CHST12: variants seen among roughly 807,000 people sequenced by gnomAD.
CHST12 encodes carbohydrate sulfotransferase 12.
In CHST12, 23 loss-of-function variants were observed where a neutral mutation model predicts 27.9. That is an observed-to-expected ratio of 0.82 (90% CI 0.59 to 1.17). The LOEUF (loss-of-function observed/expected upper bound fraction) is 1.17. Among genes scored for constraint, CHST12 ranks in the 50% most tolerant of loss-of-function variants. The pLI, the probability that CHST12 is intolerant of heterozygous loss-of-function variation, is 0.00. For synonymous variants in CHST12, 322 were observed against 273.0 expected (o/e 1.18, Z -1.77); for missense variants, 682 against 603.0 (o/e 1.13, Z -1.37).
intron 1 of CHST12, among the ~76,000 whole-genome samples, chr7:2,428,573 A>T (rs1411648913): frequency 6.6e-6 from 1 of 152,074 alleles, no homozygotes; most frequent in Non-Finnish European, 1.5e-5. Flanking sequence ...TATTAAGTTT[A>T]GTGAGGGCGG....
At chr7:2,405,111 G>A (rs1429560009) in intron 1 of CHST12, among the ~76,000 whole-genome samples, 1 of 152,126 alleles carries the variant, frequency 6.6e-6, no homozygotes, top group Non-Finnish European at 1.5e-5. Flanking sequence ...GTGGGTCGCC[G>A]TGTTCTTGAT....
chr7:2,420,792 GAAC>G (rs1449364994), intron 1 of CHST12, among the ~76,000 whole-genome samples: 4 of 152,122 alleles, frequency 2.6e-5, no homozygotes, highest in Non-Finnish European at 4.4e-5. Flanking sequence ...CTCAGGAAAA[GAAC>G]AACAACCTTG....
intron 1 of CHST12, among the ~76,000 whole-genome samples, chr7:2,417,960 G>A (rs1032597772): frequency 2.6e-5 from 4 of 152,252 alleles, no homozygotes; most frequent in Non-Finnish European, 5.9e-5. Context: ...CGCTTCTGGG[G>A]GGCTTAATAT....
Position 2,433,404 on chromosome 7 carries a change from C to G in CHST12, c.765C>G (p.Phe255Leu). The change falls in exon 2 of 2, where the codon TTC (phenylalanine) becomes TTG (leucine). Residue 255 changes from phenylalanine (F) to leucine (L), a missense_variant. By Grantham distance (22) the Phe-to-Leu change is conservative. Coordinates refer to ENST00000618655, the MANE Select transcript of CHST12 (RefSeq NM_018641.5). This position sits in a 1 kb window ranked among gnomAD's most constrained non-coding sequence, Gnocchi z 6.1. The stretch of plus-strand genomic sequence containing the variant: ...CCTTCGTGCGCCTGATCTCCGCCTT[C>G]CGCAGCAAGTTCGAGCTGGAGAACG... The part of the protein sequence containing the change: ...RDPFVRLISA[F>L]RSKFELENEE... 6.2e-7 allele frequency: 1 copy of G among 1,609,676 alleles called. No individual in the cohort carries two copies. Among genetic ancestry groups the G allele is most frequent in the Non-Finnish European group, 8.5e-7 (1 of 1,179,918 alleles).
chr7:2,412,072 T>C (rs1781682327), intron 1 of CHST12, among the ~76,000 whole-genome samples: 2 of 152,184 alleles, frequency 1.3e-5, no homozygotes, highest in African/African-American at 4.8e-5. Flanking sequence ...TGCAGGGAAG[T>C]TACTTTACTT....
rs906965994 is a variant in CHST12, at chr7:2,432,742, T to C, written c.103T>C (p.Tyr35His). The C allele has an allele frequency of 2.5e-6, 4 of 1,613,794 alleles. No individual in the cohort carries two copies. The highest frequency in any genetic ancestry group is 2.5e-6 in the Non-Finnish European group (3 of 1,179,882). ...GGACAGCGCAGGCGCCGCGCACTTC[T>C]ACTTGCACACGTCCTTCTCTAGGCC... Reference protein sequence around the residue: ...YWDSAGAAHFYLHTSFSRPHT... With the variant: ...YWDSAGAAHFHLHTSFSRPHT... The change falls in exon 2 of 2, where the codon TAC (tyrosine) becomes CAC (histidine). Residue 35 changes from tyrosine to histidine, a missense_variant. Physicochemically the swap from Tyr to His is moderately conservative, Grantham distance 83. Coordinates refer to ENST00000618655, the MANE Select transcript of CHST12 (RefSeq NM_018641.5).
chr7:2,413,257 T>C (rs907506230), intron 1 of CHST12, among the ~76,000 whole-genome samples: 42 of 152,240 alleles, frequency 2.8e-4, no homozygotes, highest in African/African-American at 9.9e-4. Context: ...AACTCTGCAC[T>C]GGTGTTTTCT....
intron 1 of CHST12, among the ~76,000 whole-genome samples, chr7:2,418,418 C>T (rs1487151959): frequency 1.2e-4 from 18 of 152,214 alleles, no homozygotes; most frequent in Admixed American, 1.2e-3. Context: ...TCTGTGGGTT[C>T]CCTTGCTGGA....
At chr7:2,411,113 C>T (rs1473570208) in intron 1 of CHST12, among the ~76,000 whole-genome samples, 1 of 151,990 alleles carries the variant, frequency 6.6e-6, no homozygotes, top group Non-Finnish European at 1.5e-5. Flanking sequence ...CTCACTCTGT[C>T]ATCCAGGCTG....
At chr7:2,423,585 T>C (rs1000537936) in intron 1 of CHST12, among the ~76,000 whole-genome samples, 2 of 152,060 alleles carry the variant, frequency 1.3e-5, no homozygotes, top group African/African-American at 2.4e-5. Context: ...CGGGAGGAGG[T>C]TGGAGTCCTC....
rs1391193407 is a variant in CHST12 at position 2,434,155 on chromosome 7, C to CT, written c.*272dup. 1.1e-5 allele frequency: 3 copies of CT among 278,310 alleles called. No homozygotes were observed. The highest frequency in any genetic ancestry group is 2.1e-5 in the Non-Finnish European group (3 of 144,940). The allele number at this position is 278,310 out of a possible 1,614,324, so 17.2% of individuals were successfully genotyped here. A position where few individuals can be genotyped will look rare whatever the true frequency, so the allele number is the denominator to read the frequency against. ...CCGCTCGCCCGCTCCTGTGGTTTTT[C>CT]TGAGCGTGCGGGCGCCGGGAGGGGA... is the stretch of plus-strand genomic sequence containing the variant. On this transcript the variant is annotated 3_prime_UTR_variant, in exon 2 of 2. Coordinates refer to ENST00000618655, the MANE Select transcript of CHST12 (RefSeq NM_018641.5).
chr7:2,432,714 C>A lies in CHST12; in HGVS notation c.75C>A (p.Tyr25Ter). ...TCATGATCCTGCTGATCATCGTGTACTGGGACAGCGCAGGCGCCGCGCACT... is the reference window on the plus strand; with the variant it reads ...TCATGATCCTGCTGATCATCGTGTAATGGGACAGCGCAGGCGCCGCGCACT... Reference protein sequence around the residue: ...SVFMILLIIVYWDSAGAAHFY... With the variant: ...SVFMILLIIV Residue 25 changes from tyrosine to a stop codon, truncating the protein, a stop_gained, in exon 2 of 2, where the codon TAC (tyrosine) becomes TAA (stop). Transcript: ENST00000618655. LOFTEE classifies it high-confidence loss of function. The A allele has an allele frequency of 6.2e-7, 1 of 1,613,962 alleles. No homozygotes were observed. The highest frequency in any genetic ancestry group is 8.5e-7 in the Non-Finnish European group (1 of 1,179,908).
At chr7:2,412,393 C>T (rs984890465) in intron 1 of CHST12, among the ~76,000 whole-genome samples, 3 of 152,088 alleles carry the variant, frequency 2.0e-5, no homozygotes, top group African/African-American at 2.4e-5. Flanking sequence ...TTGACTACAG[C>T]GATGGGAACT....
At position 2,433,437 on chromosome 7, in the gene CHST12, C is replaced by A; in HGVS notation, c.798C>A (p.Phe266Leu). The change falls in exon 2 of 2, where the codon TTC (phenylalanine) becomes TTA (leucine). Residue 266 changes from phenylalanine (F) to leucine (L), a missense_variant. By Grantham distance (22) the Phe-to-Leu change is conservative. Coordinates refer to ENST00000618655, the MANE Select transcript of CHST12 (RefSeq NM_018641.5). This position sits in a 1 kb window ranked among gnomAD's most constrained non-coding sequence, Gnocchi z 6.1. ...RSKFELENEEFYRKFAVPMLR... is the reference protein window; with the variant it reads ...RSKFELENEELYRKFAVPMLR... ...AGTTCGAGCTGGAGAACGAGGAGTT[C>A]TACCGCAAGTTCGCCGTGCCCATGC... 6.2e-7 allele frequency: 1 copy of A among 1,609,924 alleles called. No individual in the cohort carries two copies. Among genetic ancestry groups the A allele is most frequent in the Non-Finnish European group, 8.5e-7 (1 of 1,179,922 alleles).
chr7:2,403,948 G>T (rs983087404), intron 1 of CHST12, among the ~76,000 whole-genome samples: 4 of 152,110 alleles, frequency 2.6e-5, no homozygotes, highest in African/African-American at 9.7e-5. Flanking sequence ...CGCGTTCTGC[G>T]GCTCCTCGGG....
chr7:2,448,004 A>G lies in CHST12; in HGVS notation c.*14120A>G, dbSNP rs1782797214. On this transcript the variant is annotated 3_prime_UTR_variant, in exon 2 of 2. Transcript: ENST00000618655. ...AGCGCTTCTTCCCCAAGTAGCTGGGACTATAGGCACACACCACCATGCCCG... is the reference window on the plus strand; with the variant it reads ...AGCGCTTCTTCCCCAAGTAGCTGGGGCTATAGGCACACACCACCATGCCCG... The G allele has an allele frequency of 6.6e-6, 1 of 151,904 alleles. No homozygotes were observed. The highest frequency in any genetic ancestry group is 6.6e-5 in the Admixed American group (1 of 15,218). 9.4% of individuals were successfully genotyped at this position (151,904 alleles called of 1,614,324 possible).
chr7:2,405,742 C>T (rs967305023), intron 1 of CHST12, among the ~76,000 whole-genome samples: 7 of 152,078 alleles, frequency 4.6e-5, no homozygotes, highest in African/African-American at 7.2e-5. Context: ...CGAGGGCAGC[C>T]GGGACTTCTC....
chr7:2,405,385 A>C (rs1383170287), intron 1 of CHST12, among the ~76,000 whole-genome samples: 1 of 152,192 alleles, frequency 6.6e-6, no homozygotes, highest in Non-Finnish European at 1.5e-5. Flanking sequence ...CGGAAGTTGC[A>C]GTGAGCCGAC....
In CHST12 at chr7:2,435,690, C is replaced by T. The variant is rs1782455928; in HGVS notation, c.*1806C>T. On this transcript the variant is annotated 3_prime_UTR_variant, in exon 2 of 2. Coordinates refer to ENST00000618655, the MANE Select transcript of CHST12 (RefSeq NM_018641.5). The stretch of plus-strand genomic sequence containing the variant: ...CCCTGGTGTCCTCTGTGTGTGGTGT[C>T]CCTGTGTTTCCCAGGCTCAGGTGGG... 1 of 152,366 alleles carries T rather than the reference C, an allele frequency of 6.6e-6. No individual in the cohort carries two copies. The highest frequency in any genetic ancestry group is 2.4e-5 in the African/African-American group (1 of 41,454). The allele number at this position is 152,366 out of a possible 1,614,324, so 9.4% of individuals were successfully genotyped here.
Sources: gnomAD v4.1 joint callset for allele counts (sites outside exome capture counted in the v4.1 genomes callset) on GRCh38, gnomAD v4.1.1 for gene constraint, Gnocchi (gnomAD v3.1) non-coding constraint, MANE v1.5 for transcripts, NCBI Gene and HGNC (gene_info 2026-07-23, HGNC 2026-07-21) for gene names.